Variants in SMG1 observed in about 807,000 individuals in gnomAD.
SMG1 encodes serine/threonine-protein kinase SMG1.
Under a neutral mutation model 419.9 loss-of-function variants are expected in SMG1, and 22 were observed. The observed-to-expected ratio is 0.05, with a 90% CI of 0.04 to 0.07. SMG1 has a LOEUF of 0.07. Ranked by LOEUF, SMG1 falls within the 10% of genes least tolerant of loss-of-function variation. SMG1 has a pLI of 1.00. For synonymous variants in SMG1, 1,538 were observed against 1,553.5 expected (o/e 0.99, Z 0.23); for missense variants, 3,185 against 4,342.0 (o/e 0.73, Z 7.49).
chr16:18,847,005 A>G (rs986424570), intron 38 of SMG1, among the ~76,000 whole-genome samples: 1 of 152,256 alleles, frequency 6.6e-6, no homozygotes, highest in African/African-American at 2.4e-5. Flanking sequence ...AGCTGTCCAT[A>G]AACGGATGGA....
At chr16:18,878,167 G>T (rs1408285998) in intron 11 of SMG1, 4 of 152,162 alleles carry the variant, frequency 2.6e-5, no homozygotes, top group Admixed American at 6.6e-5. Flanking sequence ...ACTTTGGGAG[G>T]CCAAGGCAGG....
At chr16:18,912,584 T>C (rs184069224) in intron 1 of SMG1, among the ~76,000 whole-genome samples, 6 of 152,232 alleles carry the variant, frequency 3.9e-5, no homozygotes, top group Non-Finnish European at 7.4e-5. Flanking sequence ...ACTACCATCA[T>C]AGTAACTACA....
Position 18,836,276 on chromosome 16 carries a change from A to AGCACAAACCAGGACCCC in SMG1, c.7777+67_7778-65dup, listed in dbSNP as rs2033566865. ...GTCAAGTCAGCTGTCACTAAAAGCAAGCACAAACCAGGACCCCACACAAAC... is the reference window on the plus strand; with the variant it reads ...GTCAAGTCAGCTGTCACTAAAAGCAAGCACAAACCAGGACCCCGCACAAACCAGGACCCCACACAAAC... On this transcript the variant is annotated intron_variant, in intron 47 of 62. Transcript: ENST00000446231. The AGCACAAACCAGGACCCC allele has an allele frequency of 2.5e-6, 4 of 1,589,716 alleles. No homozygotes were observed. The Admixed American group carries it at 6.9e-5, about 28-fold the overall frequency.
chr16:18,812,827 C>A (rs1356505209), intron 60 of SMG1, among the ~76,000 whole-genome samples: 8 of 152,188 alleles, frequency 5.3e-5, no homozygotes, highest in African/African-American at 1.4e-4. Context: ...CCTGTCCCCC[C>A]ACCCACAACA....
rs2033075418 is a variant in SMG1 at position 18,830,255 on chromosome 16, A to G, written c.8907T>C (p.Ala2969=). 2 of 1,613,860 alleles carry G rather than the reference A, an allele frequency of 1.2e-6. No homozygotes were observed. The highest frequency in any genetic ancestry group is 2.2e-5 in the South Asian group (2 of 91,068). Residue 2969 remains alanine, a synonymous_variant, in exon 52 of 63, where the codon GCT becomes GCC. Coordinates refer to ENST00000446231, the MANE Select transcript of SMG1 (RefSeq NM_015092.5). ...ATAAGCTGAAAGCAGTTTCAACTTG[A>G]GCAAACATGCCATCGAATGCTACCA... is the stretch of plus-strand genomic sequence containing the variant. ...MLLVAFDGMF[A]QVETAFSLLV... is the part of the protein sequence containing the mutation.
intron 1 of SMG1, among the ~76,000 whole-genome samples, chr16:18,906,319 C>A (rs1596640337): frequency 6.6e-6 from 1 of 152,196 alleles, no homozygotes; most frequent in East Asian, 1.9e-4. Context: ...CTCATCTCTA[C>A]TAAAAATACA....
At position 18,896,885 on chromosome 16, in the gene SMG1, G is replaced by A. The variant is rs780281550; in HGVS notation, c.164C>T (p.Ser55Phe). ...TGAATTTGAAGGTTGCAGTCCATAA[G>A]AGGAAGAACCACCTCTATCTCTGGA... Reference protein sequence around the residue: ...SSSRDRGGSSSYGLQPSNSAV... With the variant: ...SSSRDRGGSSFYGLQPSNSAV... Residue 55 changes from serine (S) to phenylalanine (F), a missense_variant, in exon 2 of 63, where the codon TCT (serine) becomes TTT (phenylalanine). Ser to Phe is a radical substitution (Grantham distance 155, BLOSUM62 -2). Around this residue, in one of 27 missense-constraint regions of SMG1, gnomAD observed 88 missense variants for 85.9 expected, o/e 1.02. Transcript: ENST00000446231. The A allele has an allele frequency of 1.1e-5, 17 of 1,608,232 alleles. No individual in the cohort carries two copies. The highest frequency in any genetic ancestry group is 1.4e-5 in the Non-Finnish European group (16 of 1,177,650).
At chr16:18,814,121 T>A in intron 60 of SMG1, among the ~76,000 whole-genome samples, 1 of 149,840 alleles carries the variant, frequency 6.7e-6, no homozygotes, top group Non-Finnish European at 1.5e-5. Flanking sequence ...AATTGGCCAT[T>A]AAGTCATTTT....
At chr16:18,816,623 G>A in intron 57 of SMG1, 94 bp from the exon 58 acceptor site, 1 of 1,026,676 alleles carries the variant, frequency 9.7e-7, no homozygotes, top group Non-Finnish European at 1.4e-6. Flanking sequence ...AGTAACTCAA[G>A]CTGACACAAA....
chr16:18,834,022 C>CA (rs1399076992), intron 50 of SMG1, among the ~76,000 whole-genome samples, 182 bp downstream of exon 50: 1 of 151,764 alleles, frequency 6.6e-6, no homozygotes, highest in Non-Finnish European at 1.5e-5. Context: ...TATAAAAATT[C>CA]AAAAAAACAA....
rs1379809454 is a variant in SMG1, at chr16:18,871,392, A to G, written c.2274T>C (p.His758=). Residue 758 remains histidine (H), a synonymous_variant, in exon 16 of 63, where the codon CAT becomes CAC. Coordinates refer to ENST00000446231, the MANE Select transcript of SMG1 (RefSeq NM_015092.5). ...YAPLFSLPSF[H]KFCKGLLANT... is the part of the protein sequence containing the mutation. The stretch of plus-strand genomic sequence containing the variant: ...TGGCTAAAAGGCCTTTGCAAAATTT[A>G]TGGAAAGACGGAAGAGAGAATAAAG... 9 of 1,584,120 alleles carry G rather than the reference A, an allele frequency of 5.7e-6. No homozygotes were observed. In the Admixed American group the frequency reaches 9.6e-5, roughly 17 times the overall value.
chr16:18,862,880 C>G (rs538147999), intron 25 of SMG1, among the ~76,000 whole-genome samples: 1 of 152,356 alleles, frequency 6.6e-6, no homozygotes, highest in East Asian at 1.9e-4. Context: ...ATTCTCACAT[C>G]AGGTCTAGGG....
intron 55 of SMG1, among the ~76,000 whole-genome samples, chr16:18,826,768 G>A (rs1487328324): frequency 4.2e-5 from 1 of 23,992 alleles, no homozygotes; most frequent in African/African-American, 1.4e-4. Flanking sequence ...AGGCCTCCTT[G>A]AGCTGTGGTG....
rs201949030 is a variant in SMG1 at position 18,883,512 on chromosome 16, G to GA, written c.1119+557dup. On this transcript the variant is annotated intron_variant, in intron 9 of 62. Transcript: ENST00000446231. ...AAATAAATAACAAAAAATGTCTTTA[G>GA]AAAAATACCAGCTACCAAGAGTATG... Among the ~76,000 whole-genome samples the GA allele has an allele frequency of 9.2e-5, 14 of 152,276 alleles. No homozygotes were observed. The East Asian group carries it at 2.7e-3, about 29-fold the overall frequency.
Position 18,859,590 on chromosome 16 carries a change from T to C in SMG1, c.3919A>G (p.Ile1307Val), listed in dbSNP as rs745657105. ...SVCLATALNP[I>V]EQDQKWQSIT... ...GACTGCCACTTCTGATCTTGTTCTA[T>C]CGGGTTTAAAGCAGTTGCCAAACAA... The change falls in exon 27 of 63, where the codon ATA becomes GTA. Residue 1307 changes from isoleucine to valine, a missense_variant. By Grantham distance (29) the Ile-to-Val change is conservative (BLOSUM62 3). This residue lies in a region of SMG1 where 120 missense variants were observed against 193.3 expected (regional missense o/e 0.62). Transcript: ENST00000446231. 2 of 1,594,246 alleles carry C rather than the reference T, an allele frequency of 1.3e-6. No individual in the cohort carries two copies. The highest frequency in any genetic ancestry group is 1.7e-6 in the Non-Finnish European group (2 of 1,164,182).
chr16:18,852,015 A>C lies in SMG1; in HGVS notation c.5052+52T>G, dbSNP rs1204459776. The C allele has an allele frequency of 2.3e-5, 36 of 1,535,110 alleles. No individual in the cohort carries two copies. Among genetic ancestry groups the C allele is most frequent in the Non-Finnish European group, 3.5e-6 (4 of 1,143,450 alleles). Reference sequence around the variant, plus strand: ...CAAATATATATGATCAATTTTCTCAAAATCAATGATTTGGAGTAGCAATCT... The same window carrying C: ...CAAATATATATGATCAATTTTCTCACAATCAATGATTTGGAGTAGCAATCT... On this transcript the variant is annotated intron_variant, in intron 33 of 62. Coordinates refer to ENST00000446231, the MANE Select transcript of SMG1 (RefSeq NM_015092.5).
At chr16:18,873,031 G>C (rs2035909565) in intron 13 of SMG1, among the ~76,000 whole-genome samples, 1 of 151,978 alleles carries the variant, frequency 6.6e-6, no homozygotes, top group African/African-American at 2.4e-5. Flanking sequence ...GCATACACTT[G>C]TAATCCCAGC....
intron 40 of SMG1, 85 bp from the exon 41 acceptor site, chr16:18,841,879 C>T: frequency 1.8e-6 from 2 of 1,137,730 alleles, no homozygotes; most frequent in Non-Finnish European, 2.6e-6. Flanking sequence ...CTAGCAGTGG[C>T]AGTCAAAAAC....
intron 1 of SMG1, among the ~76,000 whole-genome samples, chr16:18,919,790 A>G (rs905585342): frequency 1.8e-4 from 28 of 151,696 alleles, no homozygotes; most frequent in African/African-American, 6.8e-4. Context: ...ACTAATTTGT[A>G]AAGGAATCAA....
Sources: allele counts gnomAD v4.1 joint callset (sites outside exome capture counted in the v4.1 genomes callset), GRCh38; gene constraint gnomAD v4.1.1; regional missense constraint gnomAD v4.1.1; transcripts MANE v1.5; gene names NCBI Gene and HGNC (gene_info 2026-07-23, HGNC 2026-07-21).